The following HCN1 variants were observed in gnomAD, a reference collection of about 807,000 sequenced individuals.
HCN1 encodes the protein hyperpolarization activated cyclic nucleotide gated potassium channel 1, also known as potassium/sodium hyperpolarization-activated cyclic nucleotide-gated channel 1.
HCN1 carries 13 observed loss-of-function variants against 78.9 expected under a neutral mutation model. That is an observed-to-expected ratio of 0.16 (90% CI 0.11 to 0.26). The LOEUF is 0.26. Among genes scored for constraint, HCN1 ranks in the 10% least tolerant of loss-of-function variants. The probability of loss-of-function intolerance (pLI) is 1.00; values close to 1 mark genes in which losing one functional copy is unlikely to be tolerated. For synonymous variants in HCN1, 552 were observed against 455.5 expected (o/e 1.21, Z -2.70); for missense variants, 810 against 1,154.3 (o/e 0.70, Z 4.32).
chr5:45,688,907 A>G (rs964819498), intron 1 of HCN1, among the ~76,000 whole-genome samples: 4 of 152,120 alleles, frequency 2.6e-5, no homozygotes, highest in Admixed American at 6.6e-5. Context: ...GCATGACTTC[A>G]CTGATATAAA....
chr5:45,279,928 G>T (rs1323780703), intron 6 of HCN1, among the ~76,000 whole-genome samples: 1 of 152,072 alleles, frequency 6.6e-6, no homozygotes, highest in African/African-American at 2.4e-5. Flanking sequence ...TGCAGGTCAT[G>T]TCCCAACTCC....
At chr5:45,588,272 A>G (rs1389356591) in intron 2 of HCN1, among the ~76,000 whole-genome samples, 1 of 152,192 alleles carries the variant, frequency 6.6e-6, no homozygotes, top group Non-Finnish European at 1.5e-5. Flanking sequence ...AGAAGACACA[A>G]TGAATTAATA....
At chr5:45,398,828 T>C (rs1207367888) in intron 3 of HCN1, among the ~76,000 whole-genome samples, 2 of 152,184 alleles carry the variant, frequency 1.3e-5, no homozygotes, top group Middle Eastern at 3.2e-3. Context: ...GAGTCTTAAA[T>C]TTAATTTGTA....
rs147400077 is a variant in HCN1, at chr5:45,308,143, T to C, written c.1378-4304A>G. Among the ~76,000 whole-genome samples, 101 of 152,168 alleles carry C rather than the reference T, an allele frequency of 6.6e-4. 1 individual carries two copies. The East Asian group carries it at 0.012, about 18-fold the overall frequency. On this transcript the variant is annotated intron_variant, in intron 5 of 7. Transcript: ENST00000303230. The stretch of plus-strand genomic sequence containing the variant: ...TGCTAAAAGGTGTCTGGCACCTACT[T>C]TCTCTCTCATGTCCTCTCTCATCAT...
intron 2 of HCN1, among the ~76,000 whole-genome samples, chr5:45,582,914 C>G (rs2111925630): frequency 6.6e-6 from 1 of 152,104 alleles, no homozygotes; most frequent in African/African-American, 2.4e-5. Context: ...CTGTTGGATT[C>G]AGTTTGCCAG....
intron 7 of HCN1, among the ~76,000 whole-genome samples, chr5:45,263,878 C>G (rs577040615): frequency 4.3e-4 from 65 of 152,292 alleles, no homozygotes; most frequent in African/African-American, 1.6e-3. Context: ...ACTGCAAGCT[C>G]TGCCTCCCGG....
chr5:45,369,423 A>G (rs2112002125), intron 4 of HCN1, among the ~76,000 whole-genome samples: 1 of 152,166 alleles, frequency 6.6e-6, no homozygotes, highest in South Asian at 2.1e-4. Flanking sequence ...TCTTAGATGG[A>G]AAGCCAAAAT....
At chr5:45,538,708 A>T (rs1743022656) in intron 2 of HCN1, among the ~76,000 whole-genome samples, 1 of 152,228 alleles carries the variant, frequency 6.6e-6, no homozygotes, top group South Asian at 2.1e-4. Context: ...ATACATCCAA[A>T]TTATAAAATC....
At chr5:45,564,496 A>G (rs1743668626) in intron 2 of HCN1, among the ~76,000 whole-genome samples, 1 of 152,198 alleles carries the variant, frequency 6.6e-6, no homozygotes, top group East Asian at 1.9e-4. Context: ...TCGGCCTCCC[A>G]AAGTAGGAAG....
chr5:45,310,931 C>T (rs1316975633), intron 5 of HCN1, among the ~76,000 whole-genome samples: 1 of 152,130 alleles, frequency 6.6e-6, no homozygotes, highest in African/African-American at 2.4e-5. Context: ...CCAAAAGCCT[C>T]ATGTTCTCAC....
chr5:45,523,090 T>G (rs1742648382), intron 2 of HCN1, among the ~76,000 whole-genome samples: 1 of 149,688 alleles, frequency 6.7e-6, no homozygotes, highest in Non-Finnish European at 1.5e-5. Context: ...TTCCCACCTA[T>G]GAGTGAGAAC....
intron 1 of HCN1, among the ~76,000 whole-genome samples, chr5:45,655,398 G>A (rs1745745836): frequency 6.6e-6 from 1 of 151,996 alleles, no homozygotes; most frequent in Non-Finnish European, 1.5e-5. Flanking sequence ...TTAATTTCTT[G>A]TAATCAGAAA....
intron 2 of HCN1, among the ~76,000 whole-genome samples, chr5:45,614,593 C>T (rs1744905659): frequency 6.6e-6 from 1 of 152,030 alleles, no homozygotes; most frequent in Non-Finnish European, 1.5e-5. Context: ...ATATATTCAT[C>T]TCTCACTTAT....
chr5:45,584,688 T>C (rs1424448126), intron 2 of HCN1, among the ~76,000 whole-genome samples: 1 of 152,230 alleles, frequency 6.6e-6, no homozygotes, highest in African/African-American at 2.4e-5. Flanking sequence ...TTTCCATGTT[T>C]AGTGCTTCCT....
At chr5:45,545,430 G>A (rs1743195209) in intron 2 of HCN1, among the ~76,000 whole-genome samples, 1 of 152,122 alleles carries the variant, frequency 6.6e-6, no homozygotes, top group Non-Finnish European at 1.5e-5. Context: ...TTCTTTTGCT[G>A]TGCAGAAGCT....
intron 2 of HCN1, among the ~76,000 whole-genome samples, chr5:45,509,466 G>A (rs1038955072): frequency 1.3e-5 from 2 of 152,148 alleles, no homozygotes; most frequent in African/African-American, 4.8e-5. Context: ...AAGCCTGCAT[G>A]CTGCAGGTTG....
At chr5:45,653,139 A>G (rs1158604310) in intron 1 of HCN1, among the ~76,000 whole-genome samples, 1 of 152,038 alleles carries the variant, frequency 6.6e-6, no homozygotes, top group Non-Finnish European at 1.5e-5. Context: ...TTTCAGAGTC[A>G]TCATCTTTGC....
At chr5:45,304,062 TTAAA>T (rs1745679090) in intron 5 of HCN1, among the ~76,000 whole-genome samples, 2 of 152,180 alleles carry the variant, frequency 1.3e-5, no homozygotes, top group South Asian at 4.1e-4. Context: ...TAGGAATGTA[TTAAA>T]TATTCGATAA....
At chr5:45,269,770 T>A in intron 6 of HCN1, among the ~76,000 whole-genome samples, 1 of 152,146 alleles carries the variant, frequency 6.6e-6, no homozygotes. Flanking sequence ...GAGGGATGTC[T>A]CATACCTACC....
Sources: allele counts gnomAD v4.1 joint callset (sites outside exome capture counted in the v4.1 genomes callset), GRCh38; gene constraint gnomAD v4.1.1; transcripts MANE v1.5; gene names NCBI Gene and HGNC (gene_info 2026-07-23, HGNC 2026-07-21).